The following ZFYVE21 variants were observed in gnomAD, a reference collection of about 807,000 sequenced individuals.
ZFYVE21 encodes the protein zinc finger FYVE-type containing 21, also known as zinc finger FYVE domain-containing protein 21.
A neutral mutation model predicts 29.5 loss-of-function variants in ZFYVE21; 21 were observed. That is an observed-to-expected ratio of 0.71 (90% confidence interval 0.50 to 1.02). The LOEUF is 1.02. Among genes scored for constraint, ZFYVE21 ranks in the 50% least tolerant of loss-of-function variants. The probability of loss-of-function intolerance (pLI) is 0.00; values close to 1 mark genes in which losing one functional copy is unlikely to be tolerated. For missense variants in ZFYVE21, 326 were observed against 335.4 expected, an observed-to-expected ratio of 0.97 and a Z score of 0.22; for synonymous variants, 151 against 133.8, an observed-to-expected ratio of 1.13 and a Z score of -0.89.
Position 103,715,816 on chromosome 14 carries a change from G to A in ZFYVE21, c.-26G>A, listed in dbSNP as rs1443175502. ...TGGGCGAGGGGCCGGGTGCGGGGCC[G>A]CTGGCCGAGAGGCTGAGGCGGCGTC... On this transcript the variant is annotated 5_prime_UTR_variant, in exon 1 of 7. Transcript: ENST00000311141. 5.2e-6 allele frequency: 7 copies of A among 1,337,112 alleles called. No individual in the cohort carries two copies. Among genetic ancestry groups the A allele is most frequent in the South Asian group, 1.7e-5 (1 of 60,324 alleles). The allele number at this position is 1,337,112 out of a possible 1,614,324, so 82.8% of individuals were successfully genotyped here.
chr14:103,722,338 G>A (rs2083880078), intron 1 of ZFYVE21, among the ~76,000 whole-genome samples: 1 of 148,828 alleles, frequency 6.7e-6, no homozygotes, highest in East Asian at 2.0e-4. Flanking sequence ...CAAATCCTAG[G>A]TGTGGTCTGT....
chr14:103,732,859 C>A, intron 6 of ZFYVE21, 97 bp downstream of exon 6: 4 of 1,600,004 alleles, frequency 2.5e-6, no homozygotes, highest in Non-Finnish European at 3.4e-6. Flanking sequence ...TGCCCCCTAT[C>A]CCCACAACCT....
At chr14:103,727,679 C>G (rs771516623) in intron 2 of ZFYVE21, 67 bp from the exon 3 acceptor site, 1 of 1,585,662 alleles carries the variant, frequency 6.3e-7, no homozygotes, top group Non-Finnish European at 8.5e-7. Flanking sequence ...CCAGGCCAGC[C>G]GGGGCCACAC....
At chr14:103,720,439 A>G (rs1363891221) in intron 1 of ZFYVE21, among the ~76,000 whole-genome samples, 1 of 152,216 alleles carries the variant, frequency 6.6e-6, no homozygotes, top group African/African-American at 2.4e-5. Context: ...CCAGTGGGTG[A>G]CGCTTCTCAC....
chr14:103,726,948 G>GTTTTTTTTTTTTTGTT, intron 2 of ZFYVE21, 106 bp downstream of exon 2: 1 of 660,974 alleles, frequency 1.5e-6, no homozygotes, highest in Non-Finnish European at 2.2e-6. Flanking sequence ...CTTATGGCTC[G>GTTTTTTTTTTTTTGTT]TTTTTTTTTT....
Position 103,715,958 on chromosome 14 carries a change from G to T in ZFYVE21, c.117G>T (p.Pro39=), listed in dbSNP as rs2083800573. The T allele has an allele frequency of 1.4e-6, 2 of 1,402,106 alleles. No individual in the cohort carries two copies. The highest frequency in any genetic ancestry group is 3.0e-5 in the African/African-American group (2 of 66,686). The allele number at this position is 1,402,106 out of a possible 1,614,324, so 86.9% of individuals were successfully genotyped here. Reference sequence around the variant, plus strand: ...GAAGCCCGTTCGGCCTGGAGGAGCCGCAGTGGGTCCCGGACAAGGAGGTGG... The same window carrying T: ...GAAGCCCGTTCGGCCTGGAGGAGCCTCAGTGGGTCCCGGACAAGGAGGTGG... ...AFGSPFGLEE[P]QWVPDKECRR... The change falls in exon 1 of 7, where the codon CCG becomes CCT. Residue 39 remains proline, a synonymous_variant. Transcript: ENST00000311141.
intron 5 of ZFYVE21, 96 bp downstream of exon 5, chr14:103,729,278 T>C: frequency 8.0e-6 from 10 of 1,242,762 alleles, no homozygotes; most frequent in Non-Finnish European, 9.2e-6. Context: ...GCAGCTGCCC[T>C]GAGGAGTGGG....
chr14:103,725,965 C>G (rs1475043197), intron 1 of ZFYVE21: 1 of 152,310 alleles, frequency 6.6e-6, no homozygotes, highest in Non-Finnish European at 1.5e-5. Flanking sequence ...GGCCCTGAGC[C>G]CAGTCACCTT....
chr14:103,721,526 A>G (rs1183829104), intron 1 of ZFYVE21, among the ~76,000 whole-genome samples: 3 of 152,220 alleles, frequency 2.0e-5, no homozygotes, highest in Admixed American at 6.5e-5. Flanking sequence ...CTGTGACGCC[A>G]CTGCACAGGG....
chr14:103,732,858 TC>T, intron 6 of ZFYVE21, 96 bp downstream of exon 6: 1 of 1,599,442 alleles, frequency 6.3e-7, no homozygotes, highest in Non-Finnish European at 8.5e-7. Flanking sequence ...TTGCCCCCTA[TC>T]CCCACAACCT....
chr14:103,727,891 A>G lies in ZFYVE21; in HGVS notation c.335A>G (p.Lys112Arg), dbSNP rs71417876. 27,926 of 1,612,708 alleles carry G rather than the reference A, an allele frequency of 0.017. 273 individuals are homozygous for G. The highest frequency in any genetic ancestry group is 0.021 in the Non-Finnish European group (24,547 of 1,179,496). Residue 112 changes from lysine to arginine, a missense_variant, in exon 3 of 7, where the codon AAG (lysine) becomes AGG (arginine). Coordinates refer to ENST00000311141, the MANE Select transcript of ZFYVE21 (RefSeq NM_024071.4). ...CTCAAGGAGGCGGAGTTCTACGACA[A>G]GCAGCTCAAAGTGCTCCTGAGCGGT... ...VSLKEAEFYD[K>R]QLKVLLSGAT... is the part of the protein sequence containing the mutation.
At chr14:103,718,871 C>T (rs2083850419) in intron 1 of ZFYVE21, among the ~76,000 whole-genome samples, 6 of 152,292 alleles carry the variant, frequency 3.9e-5, no homozygotes, top group Admixed American at 2.0e-4. Flanking sequence ...AGAGCACGTG[C>T]GCGTCTGATC....
chr14:103,730,628 G>C (rs1278917176), intron 5 of ZFYVE21: 3 of 152,614 alleles, frequency 2.0e-5, no homozygotes, highest in Admixed American at 6.5e-5. Context: ...GCTCTGCCCA[G>C]TCTCAGTAGA....
At chr14:103,727,165 C>T (rs559274959) in intron 2 of ZFYVE21, 3 of 353,552 alleles carry the variant, frequency 8.5e-6, no homozygotes, top group Non-Finnish European at 1.1e-5. Context: ...AGGCTGGTCT[C>T]GAACTCCTGA....
chr14:103,732,912 G>A (rs960960338), intron 6 of ZFYVE21, 71 bp from the exon 7 acceptor site: 5 of 1,611,792 alleles, frequency 3.1e-6, no homozygotes, highest in Non-Finnish European at 3.4e-6. Context: ...CCCCTGAAAT[G>A]CACACAGGCT....
intron 5 of ZFYVE21, chr14:103,730,142 T>TG: frequency 2.6e-6 from 1 of 386,374 alleles, no homozygotes; most frequent in Admixed American, 4.5e-5. Context: ...CCAGGGGGCG[T>TG]GGGGGCTCAC....
In ZFYVE21 at chr14:103,733,046, G is replaced by A. The variant is rs754491974; in HGVS notation, c.*28G>A. On this transcript the variant is annotated 3_prime_UTR_variant, in exon 7 of 7. Coordinates refer to ENST00000311141, the MANE Select transcript of ZFYVE21 (RefSeq NM_024071.4). Reference sequence around the variant, plus strand: ...CTACGTGGGGCTGAGCTTGGAGTACGTGTGGTCACCAGGACTGAGTCGCTT... The same window carrying A: ...CTACGTGGGGCTGAGCTTGGAGTACATGTGGTCACCAGGACTGAGTCGCTT... 58 of 1,613,982 alleles carry A rather than the reference G, an allele frequency of 3.6e-5. No homozygotes were observed. The highest frequency in any genetic ancestry group is 1.6e-4 in the Middle Eastern group (1 of 6,084).
At chr14:103,722,302 C>T (rs1352239798) in intron 1 of ZFYVE21, among the ~76,000 whole-genome samples, 1 of 149,502 alleles carries the variant, frequency 6.7e-6, no homozygotes, top group African/African-American at 2.5e-5. Context: ...TAATAAACTT[C>T]TGGATCACTT....
At chr14:103,719,987 G>A (rs2083859770) in intron 1 of ZFYVE21, among the ~76,000 whole-genome samples, 2 of 152,174 alleles carry the variant, frequency 1.3e-5, no homozygotes, top group Admixed American at 1.3e-4. Context: ...TGATCATAGT[G>A]TCTGCACCTG....
Sources: allele counts gnomAD v4.1 joint callset (sites outside exome capture counted in the v4.1 genomes callset), GRCh38; gene constraint gnomAD v4.1.1; transcripts MANE v1.5; gene names NCBI Gene and HGNC (gene_info 2026-07-23, HGNC 2026-07-21).